PPARG: variants seen among roughly 807,000 people sequenced by gnomAD.
PPARG encodes peroxisome proliferator activated receptor gamma.
PPARG carries 17 observed loss-of-function variants against 39.2 expected under a neutral mutation model. That is an observed-to-expected ratio of 0.43 (90% CI 0.30 to 0.65). The LOEUF (loss-of-function observed/expected upper bound fraction) is 0.65. Ranked by LOEUF, PPARG falls within the 30% of genes least tolerant of loss-of-function variation. The pLI is 0.13. For missense variants in PPARG, 406 were observed against 585.9 expected (o/e 0.69, Z 3.17); for synonymous variants, 223 against 215.7 (o/e 1.03, Z -0.30).
chr3:12,372,857 T>G (rs1431900631), intron 2 of PPARG, among the ~76,000 whole-genome samples: 3 of 152,164 alleles, frequency 2.0e-5, no homozygotes, highest in Non-Finnish European at 4.4e-5. Flanking sequence ...TAAAGCCAAG[T>G]TTGAAGGTCT....
chr3:12,347,542 A>G (rs2048363270), intron 2 of PPARG, among the ~76,000 whole-genome samples: 1 of 152,152 alleles, frequency 6.6e-6, no homozygotes, highest in African/African-American at 2.4e-5. Context: ...CCCTGAACTG[A>G]TGCAACCACC....
chr3:12,304,710 A>T, intron 1 of PPARG, among the ~76,000 whole-genome samples: 1 of 152,218 alleles, frequency 6.6e-6, no homozygotes, highest in South Asian at 2.1e-4. Flanking sequence ...TTTATTGAAT[A>T]TTGTTGAATG....
At position 12,378,274 on chromosome 3, in the gene PPARG, T is replaced by C. The variant is rs539019900; in HGVS notation, c.-8-1430T>C. Among the ~76,000 whole-genome samples the C allele has an allele frequency of 1.5e-4, 23 of 152,318 alleles. No homozygotes were observed. The East Asian group carries it at 4.4e-3, about 29-fold the overall frequency. On this transcript the variant is annotated intron_variant, in intron 2 of 7. Coordinates refer to ENST00000651735, the MANE Select transcript of PPARG (RefSeq NM_138711.6). ...TAGCAATCCTACTTCTGGGTATATA[T>C]CCAAGGGAAATGGAATCAGTATGTT...
intron 7 of PPARG, 96 bp from the exon 8 acceptor site, chr3:12,433,802 T>G: frequency 9.1e-5 from 142 of 1,554,356 alleles, no homozygotes; most frequent in Non-Finnish European, 1.1e-4. Context: ...AAAATACAGA[T>G]GAGTTGCTTG....
chr3:12,327,279 C>T (rs62242122), intron 2 of PPARG, among the ~76,000 whole-genome samples: 7 of 152,108 alleles, frequency 4.6e-5, no homozygotes, highest in African/African-American at 7.2e-5. Flanking sequence ...ATCTTCTGGA[C>T]GTAGAGTTTT....
intron 1 of PPARG, among the ~76,000 whole-genome samples, chr3:12,310,552 C>T (rs1225644784): frequency 1.1e-5 from 1 of 92,786 alleles, no homozygotes; most frequent in East Asian, 2.7e-4. Context: ...CAAGCTCCGC[C>T]TCCTGGGTTC....
chr3:12,432,392 A>G lies in PPARG; in HGVS notation c.1181-1506A>G, dbSNP rs182698163. Among the ~76,000 whole-genome samples the G allele has an allele frequency of 4.5e-3, 683 of 151,828 alleles. 4 individuals are homozygous for G. The highest frequency in any genetic ancestry group is 0.014 in the Middle Eastern group (4 of 294). Reference sequence around the variant, plus strand: ...AAGATAAAACCATAACTCTTCAGATATCATAGCTCTTTAGATAGAAAAATG... The same window carrying G: ...AAGATAAAACCATAACTCTTCAGATGTCATAGCTCTTTAGATAGAAAAATG... On this transcript the variant is annotated intron_variant, in intron 7 of 7. Transcript: ENST00000651735.
intron 5 of PPARG, among the ~76,000 whole-genome samples, chr3:12,405,601 G>A (rs1274183590): frequency 6.6e-6 from 1 of 152,166 alleles, no homozygotes; most frequent in East Asian, 1.9e-4. Context: ...CGTTTAAGTC[G>A]ACATACTTCC....
At chr3:12,370,709 A>G (rs928087943) in intron 2 of PPARG, among the ~76,000 whole-genome samples, 3 of 152,194 alleles carry the variant, frequency 2.0e-5, no homozygotes, top group Admixed American at 6.5e-5. Context: ...CAGTAAACCT[A>G]TTTAACCTTG....
At chr3:12,391,453 C>T (rs188723711) in intron 4 of PPARG, among the ~76,000 whole-genome samples, 3 of 151,984 alleles carry the variant, frequency 2.0e-5, no homozygotes, top group East Asian at 1.9e-4. Flanking sequence ...AACTTGAAGG[C>T]GATGAAGGAA....
intron 2 of PPARG, among the ~76,000 whole-genome samples, chr3:12,343,852 T>G (rs1467727307): frequency 7.6e-6 from 1 of 131,474 alleles, no homozygotes; most frequent in Non-Finnish European, 1.5e-5. Context: ...TACCATTCAA[T>G]CTCACCGAAT....
At chr3:12,401,570 CT>C (rs370683569) in intron 5 of PPARG, among the ~76,000 whole-genome samples, 19 of 150,382 alleles carry the variant, frequency 1.3e-4, no homozygotes, top group African/African-American at 2.2e-4. Flanking sequence ...ATAAAACTGG[CT>C]TTTTTCCCCC....
At chr3:12,412,787 T>A (rs922889173) in intron 6 of PPARG, among the ~76,000 whole-genome samples, 11 of 152,188 alleles carry the variant, frequency 7.2e-5, no homozygotes, top group Non-Finnish European at 1.6e-4. Flanking sequence ...GAGACTCCAC[T>A]ACTGTGTATA....
rs753192724 is a variant in PPARG, at chr3:12,433,866, C to G, written c.1181-32C>G. 13 of 1,613,140 alleles carry G rather than the reference C, an allele frequency of 8.1e-6. No individual in the cohort carries two copies. In the African/African-American group the frequency reaches 9.3e-5, roughly 12 times the overall value. On this transcript the variant is annotated intron_variant, in intron 7 of 7. Transcript: ENST00000651735. The stretch of plus-strand genomic sequence containing the variant: ...GCCCAGAGGATTTTTTGACTGAACC[C>G]CCTGTTGTGTTTTCCATATGTGCTT...
At chr3:12,344,464 T>TA (rs1464672154) in intron 2 of PPARG, among the ~76,000 whole-genome samples, 2 of 152,168 alleles carry the variant, frequency 1.3e-5, no homozygotes, top group African/African-American at 4.8e-5. Context: ...AAACATAAAA[T>TA]ATACTCTGTG....
At chr3:12,357,007 G>T (rs2048687596) in intron 2 of PPARG, among the ~76,000 whole-genome samples, 1 of 152,048 alleles carries the variant, frequency 6.6e-6, no homozygotes, top group African/African-American at 2.4e-5. Flanking sequence ...CTGAAAATGT[G>T]TTCAGAATAT....
intron 6 of PPARG, among the ~76,000 whole-genome samples, chr3:12,414,856 C>T (rs1295894485): frequency 1.3e-5 from 2 of 152,130 alleles, no homozygotes; most frequent in African/African-American, 4.8e-5. Context: ...CTAAGTAGTA[C>T]AGTTGAAGTG....
chr3:12,326,253 T>C (rs1029317556), intron 2 of PPARG, among the ~76,000 whole-genome samples: 13 of 152,364 alleles, frequency 8.5e-5, no homozygotes, highest in African/African-American at 3.1e-4. Context: ...ATTGCACTTA[T>C]AGTTAGAATT....
intron 2 of PPARG, among the ~76,000 whole-genome samples, chr3:12,377,499 T>A (rs1463102693): frequency 5.3e-5 from 8 of 152,182 alleles, no homozygotes; most frequent in Non-Finnish European, 7.3e-5. Context: ...GAAGTAATAA[T>A]TGAGTGATTT....
Sources: gnomAD v4.1 joint callset for allele counts (sites outside exome capture counted in the v4.1 genomes callset) on GRCh38, gnomAD v4.1.1 for gene constraint, MANE v1.5 for transcripts, NCBI Gene and HGNC (gene_info 2026-07-23, HGNC 2026-07-21) for gene names.